CNTRL: variants seen among roughly 807,000 people sequenced by gnomAD.
The protein encoded by CNTRL is centriolin.
Under a neutral mutation model 303.7 loss-of-function variants are expected in CNTRL, and 233 were observed. The ratio of observed to expected loss-of-function variants is 0.77; its 90% CI spans 0.69 to 0.86. The LOEUF (loss-of-function observed/expected upper bound fraction) is 0.86, where lower values mean the gene tolerates loss of function less well. Ranked by LOEUF, CNTRL falls within the 40% of genes least tolerant of loss-of-function variation. CNTRL has a pLI of 0.00. For synonymous variants in CNTRL, 900 were observed against 922.2 expected (o/e 0.98, Z 0.44); for missense variants, 2,524 against 2,650.6 (o/e 0.95, Z 1.05).
intron 43 of CNTRL, 134 bp from the exon 44 acceptor site, chr9:121,177,029 G>A (rs2053555452): frequency 2.9e-6 from 2 of 699,506 alleles, no homozygotes; most frequent in Admixed American, 2.9e-5. Flanking sequence ...TTGTACACTG[G>A]TTCATCTTAA....
At chr9:121,091,546 TAAAAG>T (rs1195905996) in intron 4 of CNTRL, among the ~76,000 whole-genome samples, 4 of 151,940 alleles carry the variant, frequency 2.6e-5, no homozygotes, top group Non-Finnish European at 4.4e-5. Flanking sequence ...TTTAATAAGT[TAAAAG>T]AAAAGCAGCA....
intron 8 of CNTRL, among the ~76,000 whole-genome samples, chr9:121,110,767 G>T (rs768215329): frequency 6.6e-6 from 1 of 151,992 alleles, no homozygotes; most frequent in East Asian, 1.9e-4. Context: ...TTATTTTTCT[G>T]ATTGGTAAAT....
At chr9:121,149,974 C>T (rs966243828) in intron 24 of CNTRL, among the ~76,000 whole-genome samples, 196 bp from the exon 25 acceptor site, 2 of 152,122 alleles carry the variant, frequency 1.3e-5, no homozygotes, top group Non-Finnish European at 2.9e-5. Context: ...CAAGTATCAG[C>T]CATAGAAAAT....
intron 14 of CNTRL, among the ~76,000 whole-genome samples, chr9:121,128,696 T>C (rs1159624934): frequency 2.6e-5 from 4 of 152,240 alleles, no homozygotes; most frequent in African/African-American, 4.8e-5. Flanking sequence ...TTTTGGTGTT[T>C]TAGTCATGAA....
At chr9:121,090,855 G>A (rs919456656) in intron 4 of CNTRL, among the ~76,000 whole-genome samples, 4 of 152,188 alleles carry the variant, frequency 2.6e-5, no homozygotes, top group Non-Finnish European at 4.4e-5. Flanking sequence ...CCAAGACTGG[G>A]CAATTTACAA....
intron 2 of CNTRL, among the ~76,000 whole-genome samples, chr9:121,083,824 A>G (rs1395225967): frequency 1.3e-5 from 2 of 152,234 alleles, no homozygotes; most frequent in Non-Finnish European, 2.9e-5. Context: ...ATTATGACAT[A>G]TATGATGTTA....
At chr9:121,162,996 C>A in intron 34 of CNTRL, among the ~76,000 whole-genome samples, 1 of 151,336 alleles carries the variant, frequency 6.6e-6, no homozygotes, top group Non-Finnish European at 1.5e-5. Flanking sequence ...TATACAAAAC[C>A]AAAAAAAGAA....
chr9:121,168,012 A>T, intron 37 of CNTRL, 84 bp from the exon 38 acceptor site: 1 of 1,167,432 alleles, frequency 8.6e-7, no homozygotes, highest in Non-Finnish European at 1.2e-6. Context: ...CTTTCTTTTG[A>T]CCTGGAATCT....
chr9:121,151,188 T>C (rs2052221791), intron 25 of CNTRL, among the ~76,000 whole-genome samples: 1 of 152,104 alleles, frequency 6.6e-6, no homozygotes, highest in African/African-American at 2.4e-5. Context: ...TTTTGTATTC[T>C]GTTTTTCCTA....
At position 121,080,372 on chromosome 9, in the gene CNTRL, A is replaced by G. The variant is rs1276770604; in HGVS notation, c.-138A>G. On this transcript the variant is annotated 5_prime_UTR_variant, in exon 2 of 44. Transcript: ENST00000373855. ...CCAGTCACAAGGTTGATCATAGCAC[A>G]TTGTAGCCTGGAGCTCCTGGGATCA... The G allele has an allele frequency of 6.6e-6, 1 of 152,150 alleles. No individual in the cohort carries two copies. The highest frequency in any genetic ancestry group is 2.4e-5 in the African/African-American group (1 of 41,416). The allele number at this position is 152,150 out of a possible 1,614,324, so 9.4% of individuals were successfully genotyped here.
intron 2 of CNTRL, among the ~76,000 whole-genome samples, chr9:121,086,942 C>T (rs532329676): frequency 2.0e-5 from 3 of 152,218 alleles, no homozygotes; most frequent in South Asian, 2.1e-4. Context: ...CATGAGCCAC[C>T]GCTCCTGGAC....
intron 10 of CNTRL, among the ~76,000 whole-genome samples, chr9:121,113,946 C>T (rs2049866635): frequency 6.6e-6 from 1 of 152,112 alleles, no homozygotes; most frequent in Non-Finnish European, 1.5e-5. Flanking sequence ...AATTTGATGG[C>T]AGCATGTCCA....
intron 12 of CNTRL, among the ~76,000 whole-genome samples, chr9:121,119,289 A>G (rs1212586271): frequency 7.1e-6 from 1 of 140,188 alleles, no homozygotes; most frequent in Non-Finnish European, 1.6e-5. Context: ...CCTTTTTTTC[A>G]TCTTTCTTTC....
chr9:121,142,670 T>C lies in CNTRL; in HGVS notation c.2871+400T>C, dbSNP rs567930845. Among the ~76,000 whole-genome samples the C allele has an allele frequency of 1.1e-4, 17 of 152,344 alleles. No homozygotes were observed. In the East Asian group the frequency reaches 3.3e-3, roughly 29 times the overall value. ...TTTTCTCCATTCCACCTCAACCATCTACTCCCATTGTCACATTCTGGACTT... is the reference window on the plus strand; with the variant it reads ...TTTTCTCCATTCCACCTCAACCATCCACTCCCATTGTCACATTCTGGACTT... On this transcript the variant is annotated intron_variant, in intron 19 of 43. Transcript: ENST00000373855.
intron 14 of CNTRL, 122 bp downstream of exon 14, chr9:121,126,058 A>AT (rs1387838390): frequency 6.0e-5 from 43 of 716,224 alleles, no homozygotes; most frequent in Non-Finnish European, 8.4e-5. Context: ...CTATATGGTG[A>AT]TTTTTTTCTT....
chr9:121,118,822 A>G, intron 12 of CNTRL, among the ~76,000 whole-genome samples: 1 of 152,186 alleles, frequency 6.6e-6, no homozygotes. Flanking sequence ...AAGACAGTAT[A>G]ACAACTATTC....
At chr9:121,161,725 C>T in intron 32 of CNTRL, 131 bp from the exon 33 acceptor site, 1 of 602,522 alleles carries the variant, frequency 1.7e-6, no homozygotes, top group Non-Finnish European at 2.9e-6. Context: ...AAAATTAGCA[C>T]CATTAATTCA....
At chr9:121,102,227 C>T (rs1249099204) in intron 7 of CNTRL, among the ~76,000 whole-genome samples, 2 of 152,184 alleles carry the variant, frequency 1.3e-5, no homozygotes, top group African/African-American at 4.8e-5. Context: ...TCATCCCTGG[C>T]ATGCAAGGCT....
intron 36 of CNTRL, among the ~76,000 whole-genome samples, chr9:121,167,065 T>G (rs2053123162): frequency 6.6e-6 from 1 of 150,984 alleles, no homozygotes; most frequent in Non-Finnish European, 1.5e-5. Flanking sequence ...ATCCCAGCAC[T>G]TTGGGAGGCC....
Sources: gnomAD v4.1 joint callset for allele counts (sites outside exome capture counted in the v4.1 genomes callset) on GRCh38, gnomAD v4.1.1 for gene constraint, MANE v1.5 for transcripts, NCBI Gene and HGNC (gene_info 2026-07-23, HGNC 2026-07-21) for gene names.